CAMK1D: variants seen among roughly 807,000 people sequenced by gnomAD.
The protein encoded by CAMK1D is calcium/calmodulin-dependent protein kinase type 1D.
In CAMK1D, 9 loss-of-function variants were observed where a neutral mutation model predicts 47.7. The ratio of observed to expected loss-of-function variants is 0.19; its 90% CI spans 0.11 to 0.33. The LOEUF (loss-of-function observed/expected upper bound fraction) is 0.33. Ranked by LOEUF, CAMK1D falls within the 10% of genes least tolerant of loss-of-function variation. The pLI, the probability that CAMK1D is intolerant of heterozygous loss-of-function variation, is 1.00. For missense variants in CAMK1D, 291 were observed against 488.7 expected (o/e 0.60, Z 3.81); for synonymous variants, 184 against 184.9 (o/e 0.99, Z 0.04).
intron 1 of CAMK1D, among the ~76,000 whole-genome samples, chr10:12,486,449 C>T (rs1564368096): frequency 6.6e-6 from 1 of 152,118 alleles, no homozygotes; most frequent in African/African-American, 2.4e-5. Context: ...TGAGCCACTG[C>T]ACCTGGCGGG....
intron 1 of CAMK1D, among the ~76,000 whole-genome samples, chr10:12,445,172 G>T (rs552768915): frequency 6.6e-6 from 1 of 152,266 alleles, no homozygotes; most frequent in South Asian, 2.1e-4. Context: ...GGCCAGTCGT[G>T]CCCGAATTCC....
chr10:12,576,696 A>G (rs1036177709), intron 2 of CAMK1D, among the ~76,000 whole-genome samples: 8 of 152,184 alleles, frequency 5.3e-5, no homozygotes, highest in South Asian at 2.1e-4. Flanking sequence ...TTTGCCACCA[A>G]TGATCTGACA....
intron 1 of CAMK1D, among the ~76,000 whole-genome samples, chr10:12,398,831 T>G (rs1839068081): frequency 6.6e-6 from 1 of 152,092 alleles, no homozygotes; most frequent in Non-Finnish European, 1.5e-5. Flanking sequence ...TGGATGAAGA[T>G]TACTCATTGC....
At chr10:12,703,213 G>A (rs1833591131) in intron 3 of CAMK1D, among the ~76,000 whole-genome samples, 1 of 152,208 alleles carries the variant, frequency 6.6e-6, no homozygotes. Context: ...TGTATAATGA[G>A]CAGCTTTGGT....
chr10:12,493,144 C>T (rs926775105), intron 1 of CAMK1D, among the ~76,000 whole-genome samples: 2 of 152,186 alleles, frequency 1.3e-5, no homozygotes, highest in African/African-American at 4.8e-5. Context: ...AGAAACAACC[C>T]TCTGCGGTCA....
intron 3 of CAMK1D, among the ~76,000 whole-genome samples, chr10:12,699,767 G>T (rs770351683): frequency 6.6e-6 from 1 of 151,662 alleles, no homozygotes; most frequent in Non-Finnish European, 1.5e-5. Flanking sequence ...GGAAACTGCT[G>T]ATTTCTTTGG....
At chr10:12,702,573 C>T (rs1261380374) in intron 3 of CAMK1D, among the ~76,000 whole-genome samples, 1 of 152,250 alleles carries the variant, frequency 6.6e-6, no homozygotes, top group Non-Finnish European at 1.5e-5. Context: ...GTGGGCCGCA[C>T]CTGTGCCTAG....
intron 2 of CAMK1D, among the ~76,000 whole-genome samples, chr10:12,556,251 C>T (rs935797134): frequency 2.0e-5 from 3 of 152,124 alleles, no homozygotes; most frequent in Admixed American, 2.0e-4. Flanking sequence ...AGTTTGAAAC[C>T]ACTCAGAATG....
intron 1 of CAMK1D, among the ~76,000 whole-genome samples, chr10:12,478,230 G>A (rs1206017502): frequency 3.3e-5 from 5 of 151,690 alleles, no homozygotes; most frequent in African/African-American, 9.7e-5. Context: ...GGATGGTCTC[G>A]ATCTCCTGAC....
At chr10:12,396,806 G>A (rs955305511) in intron 1 of CAMK1D, among the ~76,000 whole-genome samples, 2 of 152,148 alleles carry the variant, frequency 1.3e-5, no homozygotes, top group African/African-American at 2.4e-5. Flanking sequence ...ACGTCCACTG[G>A]GCAGGCTCCT....
intron 1 of CAMK1D, among the ~76,000 whole-genome samples, chr10:12,396,659 C>T (rs1471832058): frequency 6.6e-6 from 1 of 152,220 alleles, no homozygotes; most frequent in African/African-American, 2.4e-5. Context: ...CTTAAACAAG[C>T]ACTTACAATC....
At chr10:12,720,378 G>T (rs1048574214) in intron 3 of CAMK1D, among the ~76,000 whole-genome samples, 1 of 152,200 alleles carries the variant, frequency 6.6e-6, no homozygotes, top group African/African-American at 2.4e-5. Context: ...ATTTACAGAT[G>T]ATTTTAGACA....
chr10:12,745,238 GCCA>G (rs1835614372), intron 3 of CAMK1D, among the ~76,000 whole-genome samples: 1 of 152,106 alleles, frequency 6.6e-6, no homozygotes, highest in Non-Finnish European at 1.5e-5. Flanking sequence ...CACCGTGTTA[GCCA>G]GGATGGTCTC....
In CAMK1D at chr10:12,694,089, TATA is replaced by T. The variant is rs1833078961; in HGVS notation, c.299+27280_299+27282del. 1.2e-4 allele frequency among the ~76,000 whole-genome samples: 2 copies of T among 17,248 alleles called. 1 individual carries two copies. The highest frequency in any genetic ancestry group is 2.1e-4 in the Non-Finnish European group (2 of 9,698). The allele number at this position is 17,248 out of a possible 152,430, so 11.3% of individuals were successfully genotyped here. ...AATATATAAAAAATATTATGTATAA[TATA>T]TATTATATAATATATAATATATATT... On this transcript the variant is annotated intron_variant, in intron 3 of 10. Transcript: ENST00000619168.
At chr10:12,421,199 T>C (rs938276247) in intron 1 of CAMK1D, among the ~76,000 whole-genome samples, 1 of 152,196 alleles carries the variant, frequency 6.6e-6, no homozygotes, top group Non-Finnish European at 1.5e-5. Flanking sequence ...GTTCACATCC[T>C]AGGATAGGAA....
chr10:12,615,780 G>T (rs1838778792), intron 2 of CAMK1D, among the ~76,000 whole-genome samples: 2 of 151,166 alleles, frequency 1.3e-5, no homozygotes, highest in African/African-American at 2.4e-5. Context: ...GTAAGTGCAT[G>T]TGTGTAGTGT....
intron 1 of CAMK1D, among the ~76,000 whole-genome samples, chr10:12,405,557 G>T (rs1292023302): frequency 6.6e-6 from 1 of 152,202 alleles, no homozygotes; most frequent in African/African-American, 2.4e-5. Context: ...AGTCTAGCAC[G>T]TATAAACAGA....
chr10:12,357,385 G>C (rs1837549103), intron 1 of CAMK1D, among the ~76,000 whole-genome samples: 1 of 151,690 alleles, frequency 6.6e-6, no homozygotes, highest in African/African-American at 2.4e-5. Context: ...GCGTGATCTT[G>C]GCTCACTGCA....
At chr10:12,611,501 G>T (rs2132412197) in intron 2 of CAMK1D, among the ~76,000 whole-genome samples, 1 of 151,974 alleles carries the variant, frequency 6.6e-6, no homozygotes, top group East Asian at 1.9e-4. Flanking sequence ...CTCTGGTTGG[G>T]AGGAGCTCTG....
Sources: gnomAD v4.1 joint callset for allele counts (sites outside exome capture counted in the v4.1 genomes callset) on GRCh38, gnomAD v4.1.1 for gene constraint, MANE v1.5 for transcripts, NCBI Gene and HGNC (gene_info 2026-07-23, HGNC 2026-07-21) for gene names.